The following CCN4 variants were observed in gnomAD, a reference collection of about 807,000 sequenced individuals.
CCN4 encodes cellular communication network factor 4.
CCN4 carries 30 observed loss-of-function variants against 36.7 expected under a neutral mutation model. That is an observed-to-expected ratio of 0.82 (90% CI 0.61 to 1.11). The LOEUF (loss-of-function observed/expected upper bound fraction) is 1.11. CCN4 is among the 50% of genes least tolerant of loss of function. CCN4 has a pLI of 0.00. For synonymous variants in CCN4, 191 were observed against 195.4 expected, an observed-to-expected ratio of 0.98 and a Z score of 0.19; for missense variants, 505 against 504.9, an observed-to-expected ratio of 1.00 and a Z score of 0.00.
chr8:133,203,257 G>A (rs934750861), intron 1 of CCN4, among the ~76,000 whole-genome samples: 2 of 152,242 alleles, frequency 1.3e-5, no homozygotes, highest in Admixed American at 6.5e-5. Flanking sequence ...TCTTCTGGGG[G>A]CCCTTGGCAA....
chr8:133,212,487 T>G (rs901026529), intron 1 of CCN4, among the ~76,000 whole-genome samples: 1 of 151,978 alleles, frequency 6.6e-6, no homozygotes, highest in African/African-American at 2.4e-5. Context: ...CGCAGCCACA[T>G]GACTCACAGC....
chr8:133,196,128 G>T lies in CCN4; in HGVS notation c.69+4915G>T, dbSNP rs1437016944. On this transcript the variant is annotated intron_variant, in intron 1 of 4. Transcript: ENST00000250160. ...GTGGGCCCTGCATCCCTGTGATGTG[G>T]ATGGTGGCAAGGGTTCACACTGAGC... Among the ~76,000 whole-genome samples the T allele has an allele frequency of 5.3e-5, 8 of 152,348 alleles. No individual in the cohort carries two copies. In the East Asian group the frequency reaches 1.2e-3, roughly 22 times the overall value.
At chr8:133,213,288 G>C in intron 2 of CCN4, 145 bp downstream of exon 2, 1 of 1,041,520 alleles carries the variant, frequency 9.6e-7, no homozygotes, top group South Asian at 1.7e-5. Context: ...AGAGGCCAGA[G>C]GCTGGGTCCT....
Position 133,212,877 on chromosome 8 carries a change from C to A in CCN4, c.83C>A (p.Ala28Asp). Residue 28 changes from alanine to aspartate, a missense_variant, in exon 2 of 5, where the codon GCC (alanine) becomes GAC (aspartate). Physicochemically the swap from Ala to Asp is moderately radical, Grantham distance 126 (BLOSUM62 -2). Coordinates refer to ENST00000250160, the MANE Select transcript of CCN4 (RefSeq NM_003882.4). ...STVLATALSPAPTTMDFTPAP... is the reference protein window; with the variant it reads ...STVLATALSPDPTTMDFTPAP... ...CTCCCCCCGCAGGCCCTCTCTCCAG[C>A]CCCTACGACCATGGACTTTACCCCA... 4.4e-6 allele frequency: 7 copies of A among 1,592,760 alleles called. No individual in the cohort carries two copies. Among genetic ancestry groups the A allele is most frequent in the Non-Finnish European group, 6.0e-6 (7 of 1,164,214 alleles).
chr8:133,191,092 T>C lies in CCN4; in HGVS notation c.-53T>C, dbSNP rs1853088144. 1 of 1,592,418 alleles carries C rather than the reference T, an allele frequency of 6.3e-7. No homozygotes were observed. Among genetic ancestry groups the C allele is most frequent in the Non-Finnish European group, 8.5e-7 (1 of 1,172,686 alleles). ...GTCTGGGCCCAGCTCCCCCGAGAGGTGGTCGGATCCTCTGGGCTGCTCGGT... is the reference window on the plus strand; with the variant it reads ...GTCTGGGCCCAGCTCCCCCGAGAGGCGGTCGGATCCTCTGGGCTGCTCGGT... On this transcript the variant is annotated 5_prime_UTR_variant, in exon 1 of 5. Transcript: ENST00000250160.
intron 1 of CCN4, among the ~76,000 whole-genome samples, chr8:133,198,163 G>A (rs1038203353): frequency 1.3e-5 from 2 of 152,210 alleles, no homozygotes; most frequent in East Asian, 3.9e-4. Context: ...TTCATTCATC[G>A]GGCAGATCCA....
At position 133,230,394 on chromosome 8, in the gene CCN4, T is replaced by G. The variant is rs1179448180; in HGVS notation, c.*2684T>G. The G allele has an allele frequency of 6.6e-6, 1 of 152,230 alleles. No homozygotes were observed. The highest frequency in any genetic ancestry group is 1.5e-5 in the Non-Finnish European group (1 of 68,040). 9.4% of individuals were successfully genotyped at this position (152,230 alleles called of 1,614,324 possible). ...GGTGCCAAGCACTATGCTAAGTTGT[T>G]CATTATTTTATTTAATTGTTACAGC... On this transcript the variant is annotated 3_prime_UTR_variant, in exon 5 of 5. Transcript: ENST00000250160.
intron 1 of CCN4, among the ~76,000 whole-genome samples, chr8:133,197,100 G>C (rs924432970): frequency 5.9e-5 from 9 of 152,178 alleles, no homozygotes; most frequent in African/African-American, 2.2e-4. Flanking sequence ...GATGGTGGTG[G>C]TGGTGGTGGT....
chr8:133,221,267 T>C (rs1193716564), intron 3 of CCN4, among the ~76,000 whole-genome samples: 3 of 152,104 alleles, frequency 2.0e-5, no homozygotes, highest in Non-Finnish European at 4.4e-5. Flanking sequence ...GCAGGTGAGA[T>C]TTCAGCCAGG....
intron 1 of CCN4, among the ~76,000 whole-genome samples, chr8:133,201,668 C>T (rs1351348101): frequency 6.6e-6 from 1 of 151,970 alleles, no homozygotes; most frequent in Admixed American, 6.6e-5. Flanking sequence ...ATGGTGAAAC[C>T]CCATCTCTAC....
At chr8:133,195,646 C>T (rs1204223317) in intron 1 of CCN4, among the ~76,000 whole-genome samples, 5 of 152,144 alleles carry the variant, frequency 3.3e-5, no homozygotes, top group Admixed American at 1.3e-4. Flanking sequence ...AGGCATTTCC[C>T]CCTCGGCATG....
At chr8:133,225,345 T>G in intron 3 of CCN4, 45 bp from the exon 4 acceptor site, 1 of 1,520,410 alleles carries the variant, frequency 6.6e-7, no homozygotes, top group Non-Finnish European at 8.9e-7. Flanking sequence ...GGTTGGGGGC[T>G]GGTGGGAGCT....
intron 2 of CCN4, among the ~76,000 whole-genome samples, chr8:133,213,871 CT>C (rs1564260767): frequency 3.8e-5 from 4 of 105,662 alleles, no homozygotes; most frequent in Non-Finnish European, 6.0e-5. Flanking sequence ...GTTAAATATA[CT>C]ATACACTATA....
intron 1 of CCN4, among the ~76,000 whole-genome samples, chr8:133,195,825 A>G (rs998397194): frequency 6.6e-6 from 1 of 152,248 alleles, no homozygotes; most frequent in Non-Finnish European, 1.5e-5. Flanking sequence ...AAGCACCCAC[A>G]TGCCAGGAGG....
rs1252087413 is a variant in CCN4, at chr8:133,227,657, G to A, written c.1051G>A (p.Asp351Asn). 1.2e-5 allele frequency: 20 copies of A among 1,614,048 alleles called. No individual in the cohort carries two copies. Among genetic ancestry groups the A allele is most frequent in the African/African-American group, 2.7e-5 (2 of 74,936 alleles). Residue 351 changes from aspartate to asparagine, a missense_variant, in exon 5 of 5, where the codon GAC becomes AAC. Coordinates refer to ENST00000250160, the MANE Select transcript of CCN4 (RefSeq NM_003882.4). ...FCNLSCRNPN[D>N]IFADLESYPD... is the part of the protein sequence containing the mutation. Reference sequence around the variant, plus strand: ...TAACCTGAGCTGTAGGAATCCCAATGACATCTTTGCTGACTTGGAATCCTA... The same window carrying A: ...TAACCTGAGCTGTAGGAATCCCAATAACATCTTTGCTGACTTGGAATCCTA...
intron 3 of CCN4, 111 bp downstream of exon 3, chr8:133,220,952 G>A (rs986990492): frequency 2.1e-6 from 3 of 1,404,990 alleles, no homozygotes; most frequent in Non-Finnish European, 2.8e-6. Context: ...CTACCTACTA[G>A]CTTTGTGACC....
intron 1 of CCN4, among the ~76,000 whole-genome samples, chr8:133,208,306 T>C (rs1319238743): frequency 6.6e-6 from 1 of 152,116 alleles, no homozygotes; most frequent in Non-Finnish European, 1.5e-5. Context: ...TTCCAGTCAC[T>C]TGCGAGCTAA....
chr8:133,197,619 T>C (rs904503004), intron 1 of CCN4, among the ~76,000 whole-genome samples: 5 of 152,174 alleles, frequency 3.3e-5, no homozygotes, highest in African/African-American at 1.2e-4. Flanking sequence ...GAGAAGAGAC[T>C]GCCTCGCAAA....
At position 133,213,842 on chromosome 8, in the gene CCN4, A is replaced by ATATACACTATATATAGTAGTTAAATATAC. The variant is rs1564260743; in HGVS notation, c.349+751_349+779dup. On this transcript the variant is annotated intron_variant, in intron 2 of 4. Coordinates refer to ENST00000250160, the MANE Select transcript of CCN4 (RefSeq NM_003882.4). ...TATATATAGTAGTTAAATATACTAT[A>ATATACACTATATATAGTAGTTAAATATAC]TATACACTATATATAGTAGTTAAAT... Among the ~76,000 whole-genome samples the ATATACACTATATATAGTAGTTAAATATAC allele has an allele frequency of 8.5e-4, 112 of 131,386 alleles. 10 individuals carry two copies. The highest frequency in any genetic ancestry group is 7.4e-3 in the East Asian group (19 of 2,568). The allele number at this position is 131,386 out of a possible 152,430, so 86.2% of individuals were successfully genotyped here.
Sources: allele counts gnomAD v4.1 joint callset (sites outside exome capture counted in the v4.1 genomes callset), GRCh38; gene constraint gnomAD v4.1.1; transcripts MANE v1.5; gene names NCBI Gene and HGNC (gene_info 2026-07-23, HGNC 2026-07-21).